Variants in NTN1 observed in about 807,000 individuals in gnomAD.
NTN1 encodes the protein netrin 1.
A neutral mutation model predicts 54.2 loss-of-function variants in NTN1; 11 were observed. That is an observed-to-expected ratio of 0.20 (90% confidence interval 0.13 to 0.34). NTN1 has a LOEUF of 0.34. Among genes scored for constraint, NTN1 ranks in the 10% least tolerant of loss-of-function variants. The probability of loss-of-function intolerance (pLI) is 1.00; values close to 1 mark genes in which losing one functional copy is unlikely to be tolerated. For missense variants in NTN1, 740 were observed against 893.1 expected (o/e 0.83, Z 2.18); for synonymous variants, 371 against 382.0 (o/e 0.97, Z 0.33).
the NTN1 span, among the ~76,000 whole-genome samples, chr17:9,009,686 G>A: frequency 6.6e-6 from 1 of 152,088 alleles, no homozygotes; most frequent in Non-Finnish European, 1.5e-5. Context: ...TACATAATTG[G>A]TTTTTGCAGT....
intron 2 of NTN1, among the ~76,000 whole-genome samples, chr17:9,144,648 G>A (rs2092307948): frequency 6.6e-6 from 1 of 152,228 alleles, no homozygotes; most frequent in East Asian, 1.9e-4. Context: ...AAGTGGACAA[G>A]GAGAGATCAG....
At chr17:9,004,696 C>T in the NTN1 span, among the ~76,000 whole-genome samples, 8 of 151,910 alleles carry the variant, frequency 5.3e-5, no homozygotes, top group Admixed American at 3.9e-4. Context: ...CGGCTCTAGC[C>T]AGGTGAAGCT....
chr17:9,134,331 C>T (rs947788536), intron 2 of NTN1, among the ~76,000 whole-genome samples: 19 of 152,268 alleles, frequency 1.2e-4, no homozygotes, highest in Admixed American at 2.6e-4. Flanking sequence ...GATTTCTTGC[C>T]AACCCCTCTT....
intron 6 of NTN1, among the ~76,000 whole-genome samples, chr17:9,231,808 G>T (rs1905825365): frequency 6.6e-6 from 1 of 150,894 alleles, no homozygotes; most frequent in African/African-American, 2.4e-5. Context: ...GGGAGCTGAA[G>T]GTGGACTGGA....
intron 2 of NTN1, among the ~76,000 whole-genome samples, chr17:9,142,308 G>A (rs963175298): frequency 3.4e-5 from 5 of 149,180 alleles, no homozygotes; most frequent in Admixed American, 6.6e-5. Context: ...AAAAAAAAAA[G>A]AAAAAAACCA....
chr17:9,210,812 G>C (rs936513323), intron 5 of NTN1, among the ~76,000 whole-genome samples: 1 of 149,214 alleles, frequency 6.7e-6, no homozygotes, highest in Non-Finnish European at 1.5e-5. Context: ...AGGTTGAGGC[G>C]GGAGAATCGC....
chr17:9,061,774 G>C (rs962962038), intron 2 of NTN1, among the ~76,000 whole-genome samples: 1 of 152,100 alleles, frequency 6.6e-6, no homozygotes, highest in Non-Finnish European at 1.5e-5. Flanking sequence ...CGTGGTCTTG[G>C]CTCACTGAAA....
the NTN1 span, among the ~76,000 whole-genome samples, chr17:9,007,165 T>TTTCC: frequency 6.6e-6 from 1 of 151,964 alleles, no homozygotes; most frequent in African/African-American, 2.4e-5. Flanking sequence ...CTTTCCTTTC[T>TTTCC]TTCCTTCCTT....
At chr17:9,068,413 A>G (rs777550985) in intron 2 of NTN1, among the ~76,000 whole-genome samples, 4 of 151,696 alleles carry the variant, frequency 2.6e-5, no homozygotes, top group Non-Finnish European at 5.9e-5. Flanking sequence ...TCGAACTCCT[A>G]GGCTCAAGGG....
At chr17:9,127,968 T>C (rs1038292896) in intron 2 of NTN1, among the ~76,000 whole-genome samples, 2 of 151,392 alleles carry the variant, frequency 1.3e-5, no homozygotes, top group African/African-American at 4.9e-5. Flanking sequence ...AATAGAAAAA[T>C]TAGCTGGGCA....
chr17:9,194,253 A>C (rs1050980251), intron 5 of NTN1, among the ~76,000 whole-genome samples: 1 of 152,082 alleles, frequency 6.6e-6, no homozygotes, highest in African/African-American at 2.4e-5. Context: ...AAAATTATGC[A>C]ATGTTGTGAT....
intron 2 of NTN1, among the ~76,000 whole-genome samples, chr17:9,044,999 G>A (rs1380297076): frequency 1.3e-5 from 2 of 152,116 alleles, no homozygotes; most frequent in East Asian, 1.9e-4. Context: ...TTATGACCCC[G>A]GCCTCGGACT....
At chr17:9,046,422 A>G (rs2091941529) in intron 2 of NTN1, among the ~76,000 whole-genome samples, 1 of 152,186 alleles carries the variant, frequency 6.6e-6, no homozygotes, top group Non-Finnish European at 1.5e-5. Context: ...GGAGAAATTG[A>G]AACCCTCATG....
Position 9,180,592 on chromosome 17 carries a change from C to G in NTN1, c.1357+636C>G, listed in dbSNP as rs546593286. On this transcript the variant is annotated intron_variant, in intron 4 of 6. Transcript: ENST00000173229. Reference sequence around the variant, plus strand: ...GACCCTGGATCTGGGTGGGCCCATTCCAGGAGTGCTGTTGTCACTATTGCC... The same window carrying G: ...GACCCTGGATCTGGGTGGGCCCATTGCAGGAGTGCTGTTGTCACTATTGCC... 5.9e-5 allele frequency among the ~76,000 whole-genome samples: 9 copies of G among 152,340 alleles called. No individual in the cohort carries two copies. In the South Asian group the frequency reaches 6.2e-4, roughly 11 times the overall value.
chr17:9,025,932 T>A (rs1471845064), intron 2 of NTN1, among the ~76,000 whole-genome samples: 1 of 152,192 alleles, frequency 6.6e-6, no homozygotes, highest in Admixed American at 6.5e-5. Flanking sequence ...CAACATAATC[T>A]CTTCTTGCGA....
intron 2 of NTN1, among the ~76,000 whole-genome samples, chr17:9,121,424 G>A (rs985770490): frequency 6.6e-5 from 10 of 151,952 alleles, no homozygotes; most frequent in South Asian, 4.2e-4. Context: ...CTGTTCATCC[G>A]TGCCTGCCCA....
intron 3 of NTN1, chr17:9,176,355 G>A (rs2092400142): frequency 1.3e-5 from 2 of 152,406 alleles, no homozygotes; most frequent in Admixed American, 1.3e-4. Context: ...GGGAATATGT[G>A]TGAGTCTCTG....
At chr17:9,051,430 T>C (rs904615050) in intron 2 of NTN1, among the ~76,000 whole-genome samples, 3 of 152,164 alleles carry the variant, frequency 2.0e-5, no homozygotes, top group Non-Finnish European at 4.4e-5. Flanking sequence ...GCGGGGACTG[T>C]GCAACAGGCC....
rs151311248 is a variant in NTN1 at position 9,162,541 on chromosome 17, T to C, written c.1019-272T>C. On this transcript the variant is annotated intron_variant, in intron 2 of 6. Coordinates refer to ENST00000173229, the MANE Select transcript of NTN1 (RefSeq NM_004822.3). Reference sequence around the variant, plus strand: ...GAGGGCCTTGTTTTAAGACTCTGTCTCCAAATATGGTCACATTCTGAGGTA... The same window carrying C: ...GAGGGCCTTGTTTTAAGACTCTGTCCCCAAATATGGTCACATTCTGAGGTA... Among the ~76,000 whole-genome samples the C allele has an allele frequency of 9.6e-4, 146 of 152,318 alleles. 2 individuals carry two copies. Among genetic ancestry groups the C allele is most frequent in the Non-Finnish European group, 1.7e-3 (119 of 68,034 alleles).
Sources: gnomAD v4.1 joint callset for allele counts (sites outside exome capture counted in the v4.1 genomes callset) on GRCh38, gnomAD v4.1.1 for gene constraint, MANE v1.5 for transcripts, NCBI Gene and HGNC (gene_info 2026-07-23, HGNC 2026-07-21) for gene names.